Variants in SOX6 observed in about 807,000 individuals in gnomAD.
SOX6 encodes the protein transcription factor SOX-6.
In SOX6, 11 loss-of-function variants were observed where a neutral mutation model predicts 97.8. That is an observed-to-expected ratio of 0.11 (90% CI 0.07 to 0.19). The LOEUF (loss-of-function observed/expected upper bound fraction) is 0.19, where lower values mean the gene tolerates loss of function less well. SOX6 is among the 10% of genes least tolerant of loss of function. SOX6 has a pLI of 1.00. For missense variants in SOX6, 810 were observed against 1,039.5 expected (o/e 0.78, Z 3.04); for synonymous variants, 360 against 371.4 (o/e 0.97, Z 0.35).
chr11:16,262,663 T>G (rs138171644), intron 3 of SOX6, among the ~76,000 whole-genome samples: 1 of 152,024 alleles, frequency 6.6e-6, no homozygotes. Flanking sequence ...GCTTTTTACA[T>G]ATGAAATTAT....
intron 5 of SOX6, among the ~76,000 whole-genome samples, chr11:16,186,099 G>A (rs549837674): frequency 1.3e-5 from 2 of 152,238 alleles, no homozygotes; most frequent in African/African-American, 4.8e-5. Context: ...ATTTTTAAAA[G>A]ACATACATTT....
At chr11:16,406,171 A>G (rs1858683240) in intron 1 of SOX6, among the ~76,000 whole-genome samples, 1 of 152,120 alleles carries the variant, frequency 6.6e-6, no homozygotes, top group Admixed American at 6.6e-5. Context: ...ACTCCTGAGT[A>G]GCTTGCTCTA....
At position 16,665,473 on chromosome 11, in the gene SOX6, C is replaced by T. The variant is rs556964299; in HGVS notation, n.429+49357G>A. Among the ~76,000 whole-genome samples the T allele has an allele frequency of 2.6e-5, 4 of 152,280 alleles. No individual in the cohort carries two copies. The South Asian group carries it at 8.3e-4, about 32-fold the overall frequency. The stretch of plus-strand genomic sequence containing the variant: ...CTGCTTGTGGACTAAGGGGGGAAAA[C>T]AGTGGGAAGGACTTTGTCTTGTGGC... On this transcript the variant is annotated intron_variant and non_coding_transcript_variant, in intron 3 of 5. Coordinates refer to the SOX6 transcript ENST00000524520.
At chr11:16,658,096 A>G (rs138381940) in intron 3 of SOX6, among the ~76,000 whole-genome samples, 32 of 152,332 alleles carry the variant, frequency 2.1e-4, no homozygotes, top group Non-Finnish European at 3.7e-4. Flanking sequence ...ATGTGGCTAT[A>G]CAATGTACTT....
At chr11:15,994,718 A>G (rs917367420) in intron 13 of SOX6, among the ~76,000 whole-genome samples, 25 of 152,326 alleles carry the variant, frequency 1.6e-4, no homozygotes, top group African/African-American at 5.8e-4. Context: ...ACATTTTGTC[A>G]GATAGAATTA....
intron 4 of SOX6, among the ~76,000 whole-genome samples, chr11:16,495,205 G>T (rs1860575072): frequency 6.6e-6 from 1 of 152,012 alleles, no homozygotes; most frequent in Non-Finnish European, 1.5e-5. Context: ...CCACTACCTG[G>T]GGCCAAAGCA....
intron 9 of SOX6, among the ~76,000 whole-genome samples, chr11:16,086,266 T>C (rs1848576327): frequency 6.6e-6 from 1 of 152,216 alleles, no homozygotes; most frequent in South Asian, 2.1e-4. Context: ...TAATTAGTCT[T>C]GTCTCTCTGA....
chr11:15,988,236 T>A (rs934088602), intron 14 of SOX6, among the ~76,000 whole-genome samples: 1 of 152,226 alleles, frequency 6.6e-6, no homozygotes, highest in Non-Finnish European at 1.5e-5. Flanking sequence ...GCATGTTGAA[T>A]AAAATATGTT....
intron 4 of SOX6, among the ~76,000 whole-genome samples, chr11:16,493,651 A>C (rs1860547465): frequency 6.6e-6 from 1 of 152,194 alleles, no homozygotes; most frequent in Admixed American, 6.5e-5. Flanking sequence ...TTCTATAATA[A>C]AAAGGTTAAA....
At chr11:16,612,638 A>ATAC (rs1848413047) in intron 3 of SOX6, among the ~76,000 whole-genome samples, 1 of 152,096 alleles carries the variant, frequency 6.6e-6, no homozygotes, top group South Asian at 2.1e-4. Context: ...AGCCTGGAGT[A>ATAC]TACTACCTTG....
chr11:16,638,897 T>G (rs1848842215), intron 3 of SOX6, among the ~76,000 whole-genome samples: 1 of 152,216 alleles, frequency 6.6e-6, no homozygotes. Context: ...GTAGTTTCTT[T>G]TCCTGTGCAG....
chr11:16,210,216 G>A (rs571197088), intron 4 of SOX6, among the ~76,000 whole-genome samples: 20 of 151,130 alleles, frequency 1.3e-4, no homozygotes, highest in African/African-American at 3.9e-4. Flanking sequence ...ATTCATAATA[G>A]CAAAAAAAGA....
At chr11:15,988,858 G>A in intron 14 of SOX6, 139 bp downstream of exon 14, 1 of 794,742 alleles carries the variant, frequency 1.3e-6, no homozygotes, top group Non-Finnish European at 2.1e-6. Flanking sequence ...GGCTCCTGCG[G>A]CAGCTGGCTG....
chr11:16,299,946 AT>A (rs749363722), intron 3 of SOX6, among the ~76,000 whole-genome samples: 1 of 152,218 alleles, frequency 6.6e-6, no homozygotes, highest in Non-Finnish European at 1.5e-5. Flanking sequence ...CATTGATTGA[AT>A]TCTGTTTCCT....
intron 6 of SOX6, among the ~76,000 whole-genome samples, chr11:16,148,045 C>A (rs1878947): frequency 0.07 from 10,577 of 152,146 alleles, 406 homozygotes; most frequent in Non-Finnish European, 0.096. Flanking sequence ...AAAAAACAAG[C>A]GATCTGTAAT....
At chr11:16,277,397 C>A (rs923505791) in intron 3 of SOX6, among the ~76,000 whole-genome samples, 8 of 152,132 alleles carry the variant, frequency 5.3e-5, no homozygotes, top group Admixed American at 1.3e-4. Context: ...GGAACCAAAT[C>A]TGCCAACACC....
At chr11:16,259,945 A>ATATGTGTGTGTGTG (rs3059123) in intron 3 of SOX6, among the ~76,000 whole-genome samples, 16,243 of 148,984 alleles carry the variant, frequency 0.11, 1,076 homozygotes, top group South Asian at 0.15. Context: ...TGTCCCAAAT[A>ATATGTGTGTGTGTG]TGTGTGTGTG....
At chr11:16,342,137 A>T (rs972453447) in intron 1 of SOX6, among the ~76,000 whole-genome samples, 3 of 152,018 alleles carry the variant, frequency 2.0e-5, no homozygotes, top group African/African-American at 7.2e-5. Context: ...ACTACACGCT[A>T]CATGACAACG....
chr11:16,655,046 G>A (rs192859385), intron 3 of SOX6, among the ~76,000 whole-genome samples: 106 of 152,318 alleles, frequency 7.0e-4, no homozygotes, highest in African/African-American at 2.4e-3. Flanking sequence ...AGCAGAGGTG[G>A]TCGGAGAAGG....
Sources: gnomAD v4.1 joint callset for allele counts (sites outside exome capture counted in the v4.1 genomes callset) on GRCh38, gnomAD v4.1.1 for gene constraint, MANE v1.5 for transcripts, NCBI Gene and HGNC (gene_info 2026-07-23, HGNC 2026-07-21) for gene names.